The following PRKAR1B variants were observed in gnomAD, a reference collection of about 807,000 sequenced individuals.
The protein encoded by PRKAR1B is cAMP-dependent protein kinase type I-beta regulatory subunit.
PRKAR1B carries 22 observed loss-of-function variants against 46.5 expected under a neutral mutation model. That is an observed-to-expected ratio of 0.47 (90% CI 0.34 to 0.68). The LOEUF is 0.68. Among genes scored for constraint, PRKAR1B ranks in the 30% least tolerant of loss-of-function variants. The probability of loss-of-function intolerance (pLI) is 0.01; values close to 1 mark genes in which losing one functional copy is unlikely to be tolerated. For missense variants in PRKAR1B, 445 were observed against 535.6 expected (o/e 0.83, Z 1.67); for synonymous variants, 259 against 217.7 (o/e 1.19, Z -1.67).
chr7:613,356 C>T (rs1010697114), intron 4 of PRKAR1B, among the ~76,000 whole-genome samples: 3 of 151,544 alleles, frequency 2.0e-5, no homozygotes, highest in African/African-American at 7.3e-5. Flanking sequence ...AAACACGACA[C>T]GTACGCTTAA....
At chr7:561,155 G>GCA (rs971382059) in intron 9 of PRKAR1B, among the ~76,000 whole-genome samples, 3 of 148,130 alleles carry the variant, frequency 2.0e-5, no homozygotes, top group South Asian at 2.2e-4. Context: ...ACACACCTGT[G>GCA]CACACACACA....
At chr7:707,917 G>A (rs565005192) in intron 2 of PRKAR1B, among the ~76,000 whole-genome samples, 89 of 144,822 alleles carry the variant, frequency 6.1e-4, no homozygotes, top group African/African-American at 1.9e-3. Flanking sequence ...ACCTGGAGCC[G>A]GGGGAGACAC....
chr7:670,729 A>G (rs1786198670), intron 4 of PRKAR1B, among the ~76,000 whole-genome samples: 1 of 151,114 alleles, frequency 6.6e-6, no homozygotes. Flanking sequence ...AGAGGGACTC[A>G]GGACCGAGGA....
intron 4 of PRKAR1B, among the ~76,000 whole-genome samples, chr7:627,575 T>C (rs1783478848): frequency 6.6e-6 from 1 of 152,180 alleles, no homozygotes; most frequent in African/African-American, 2.4e-5. Flanking sequence ...CCATCAGGAC[T>C]GCAAGGCCAA....
intron 9 of PRKAR1B, among the ~76,000 whole-genome samples, chr7:559,407 G>A (rs1251815813): frequency 6.6e-6 from 1 of 152,188 alleles, no homozygotes; most frequent in Non-Finnish European, 1.5e-5. Flanking sequence ...CAGGACGGGG[G>A]CTCAGGGCAG....
intron 9 of PRKAR1B, among the ~76,000 whole-genome samples, chr7:554,601 G>A (rs563341654): frequency 2.0e-5 from 3 of 151,638 alleles, no homozygotes; most frequent in East Asian, 1.9e-4. Flanking sequence ...GAAGACAGGG[G>A]AGGCCACGGA....
In PRKAR1B at chr7:584,501, C is replaced by A. The variant is rs1038866235; in HGVS notation, c.769+7G>T. The stretch of plus-strand genomic sequence containing the variant: ...ACACACAGCCGTGCAGGGGCGCAGC[C>A]ACTGACCTAGGATGGAGACCTTGCT... On this transcript the variant is annotated splice_region_variant and intron_variant, in intron 8 of 10. Transcript: ENST00000537384. The A allele has an allele frequency of 1.2e-6, 2 of 1,613,458 alleles. No individual in the cohort carries two copies. Among genetic ancestry groups the A allele is most frequent in the Non-Finnish European group, 1.7e-6 (2 of 1,179,744 alleles).
intron 1 of PRKAR1B, among the ~76,000 whole-genome samples, chr7:721,734 G>A (rs1781079185): frequency 1.3e-5 from 2 of 152,022 alleles, no homozygotes; most frequent in African/African-American, 4.8e-5. Flanking sequence ...AATTCTATTA[G>A]TTTGCCTGTC....
intron 4 of PRKAR1B, among the ~76,000 whole-genome samples, chr7:657,241 A>G (rs1785253243): frequency 6.7e-6 from 1 of 150,300 alleles, no homozygotes; most frequent in Admixed American, 6.6e-5. Context: ...GGATGGATAA[A>G]TGAATGGATG....
intron 9 of PRKAR1B, among the ~76,000 whole-genome samples, chr7:557,465 G>A (rs558953843): frequency 1.1e-4 from 17 of 152,344 alleles, no homozygotes; most frequent in South Asian, 4.1e-4. Context: ...GCACACTGAC[G>A]GTGGTGACAG....
intron 1 of PRKAR1B, among the ~76,000 whole-genome samples, chr7:719,514 C>T (rs1391894482): frequency 6.6e-6 from 1 of 152,142 alleles, no homozygotes; most frequent in Admixed American, 6.6e-5. Flanking sequence ...CGAGGTGTCA[C>T]TATTTGGCCC....
chr7:715,414 G>A (rs185690170), intron 1 of PRKAR1B, among the ~76,000 whole-genome samples: 36 of 152,122 alleles, frequency 2.4e-4, no homozygotes, highest in African/African-American at 4.6e-4. Context: ...TCAACAGGTC[G>A]GTCGCCACCC....
intron 4 of PRKAR1B, among the ~76,000 whole-genome samples, chr7:676,254 C>A (rs535617567): frequency 2.0e-4 from 31 of 152,250 alleles, no homozygotes; most frequent in Middle Eastern, 3.4e-3. Flanking sequence ...TGTCTATGAT[C>A]AACATCCCCA....
chr7:596,171 CG>C lies in PRKAR1B; in HGVS notation c.682del (p.Arg228GlyfsTer13). 1 of 1,613,884 alleles carries C rather than the reference CG, an allele frequency of 6.2e-7. No individual in the cohort carries two copies. Among genetic ancestry groups the C allele is most frequent in the Non-Finnish European group, 8.5e-7 (1 of 1,179,898 alleles). On this transcript the variant is annotated frameshift_variant, in exon 7 of 11. Coordinates refer to ENST00000537384, the MANE Select transcript of PRKAR1B (RefSeq NM_001164760.2). LOFTEE classifies it high-confidence loss of function. Reference sequence around the variant, plus strand: ...CATAAGGATGCGCCGGTAGCTGTCCCGGTCGATCCCCCAGAGCTTGAGGTCC... The same window carrying C: ...CATAAGGATGCGCCGGTAGCTGTCCCGTCGATCCCCCAGAGCTTGAGGTCC... ...KTDLKLWGID[R>X]DSYRRILMGS...
At chr7:709,325 A>G (rs1028116580) in intron 2 of PRKAR1B, among the ~76,000 whole-genome samples, 1 of 150,268 alleles carries the variant, frequency 6.7e-6, no homozygotes, top group Non-Finnish European at 1.5e-5. Context: ...GCATGTATGT[A>G]TGTGTGTGTA....
intron 4 of PRKAR1B, among the ~76,000 whole-genome samples, chr7:635,707 A>G (rs1198326274): frequency 1.3e-5 from 2 of 152,118 alleles, no homozygotes; most frequent in African/African-American, 2.4e-5. Flanking sequence ...AGCAGGGGAG[A>G]GAAGGCACAG....
chr7:716,923 C>G (rs141875015), intron 1 of PRKAR1B: 2 of 152,262 alleles, frequency 1.3e-5, no homozygotes, highest in African/African-American at 2.4e-5. Flanking sequence ...GGTGGATATA[C>G]GAGGAATGAG....
intron 4 of PRKAR1B, among the ~76,000 whole-genome samples, chr7:609,390 G>A (rs1040443337): frequency 6.6e-5 from 10 of 152,090 alleles, no homozygotes; most frequent in African/African-American, 2.4e-4. Flanking sequence ...TGGACACTGT[G>A]TACCCCCCAC....
chr7:716,222 A>AT (rs778689872), intron 1 of PRKAR1B, among the ~76,000 whole-genome samples: 46,074 of 122,042 alleles, frequency 0.38, 7,602 homozygotes, highest in South Asian at 0.51. Context: ...ACTTAAAAAC[A>AT]TTTTTTTTTT....
Sources: gnomAD v4.1 joint callset for allele counts (sites outside exome capture counted in the v4.1 genomes callset) on GRCh38, gnomAD v4.1.1 for gene constraint, MANE v1.5 for transcripts, NCBI Gene and HGNC (gene_info 2026-07-23, HGNC 2026-07-21) for gene names.